The following ZC3HAV1 variants were observed in gnomAD, a reference collection of about 807,000 sequenced individuals.
The protein encoded by ZC3HAV1 is zinc finger CCCH-type containing, antiviral 1, also known as zinc finger CCCH-type antiviral protein 1.
In ZC3HAV1, 41 loss-of-function variants were observed where a neutral mutation model predicts 86.6. That is an observed-to-expected ratio of 0.47 (90% CI 0.37 to 0.61). The LOEUF (loss-of-function observed/expected upper bound fraction) is 0.61. Among genes scored for constraint, ZC3HAV1 ranks in the 20% least tolerant of loss-of-function variants. The pLI, the probability that ZC3HAV1 is intolerant of heterozygous loss-of-function variation, is 0.00. For synonymous variants in ZC3HAV1, 421 were observed against 432.1 expected (o/e 0.97, Z 0.32); for missense variants, 964 against 1,141.1 (o/e 0.84, Z 2.24).
chr7:139,080,384 G>A, intron 3 of ZC3HAV1, 141 bp from the exon 4 acceptor site: 2 of 1,077,118 alleles, frequency 1.9e-6, no homozygotes, highest in Admixed American at 2.5e-5. Flanking sequence ...AATCTGATGT[G>A]TAAAAATCTT....
intron 7 of ZC3HAV1, 52 bp from the exon 8 acceptor site, chr7:139,065,051 T>C (rs370348403): frequency 3.8e-5 from 61 of 1,608,372 alleles, no homozygotes; most frequent in Non-Finnish European, 5.0e-5. Flanking sequence ...TTAGGAAATC[T>C]CTACTGTTAT....
At position 139,061,054 on chromosome 7, in the gene ZC3HAV1, T is replaced by C; in HGVS notation, c.2078A>G (p.Gln693Arg). 6.2e-7 allele frequency: 1 copy of C among 1,613,856 alleles called. No homozygotes were observed. The highest frequency in any genetic ancestry group is 8.5e-7 in the Non-Finnish European group (1 of 1,179,976). Residue 693 changes from glutamine (Q) to arginine (R), a missense_variant, in exon 9 of 13, where the codon CAG (glutamine) becomes CGG (arginine). Gln to Arg is a conservative substitution (Grantham distance 43). Transcript: ENST00000242351. ...CACTTACTCTGGCCCTCTCTTCATC[T>C]GCTGCACATACCACTGAGGCACAAA... ...PTFVPQWYVQ[Q>R]MKRGPDHQPA... is the part of the protein sequence containing the mutation.
chr7:139,091,780 ATTC>A (rs774883651), intron 1 of ZC3HAV1, among the ~76,000 whole-genome samples: 8 of 151,914 alleles, frequency 5.3e-5, no homozygotes, highest in Non-Finnish European at 8.8e-5. Context: ...CCACCCTAAT[ATTC>A]TTCTTGATAT....
At chr7:139,047,906 G>C in intron 12 of ZC3HAV1, 53 bp from the exon 13 acceptor site, 1 of 1,556,412 alleles carries the variant, frequency 6.4e-7, no homozygotes, top group Non-Finnish European at 8.7e-7. Context: ...AAGGTATACA[G>C]TTTATAAGAT....
intron 12 of ZC3HAV1, among the ~76,000 whole-genome samples, chr7:139,049,110 A>C: frequency 6.8e-6 from 1 of 146,890 alleles, no homozygotes; most frequent in Non-Finnish European, 1.5e-5. Flanking sequence ...CAGTACATCC[A>C]ACTCTCTCTC....
intron 1 of ZC3HAV1, among the ~76,000 whole-genome samples, chr7:139,090,905 G>A (rs903864885): frequency 6.6e-6 from 1 of 152,084 alleles, no homozygotes; most frequent in African/African-American, 2.4e-5. Flanking sequence ...CTTGAAACCC[G>A]GCCAGCCATC....
At chr7:139,084,776 A>G (rs1368505486) in intron 2 of ZC3HAV1, among the ~76,000 whole-genome samples, 1 of 152,250 alleles carries the variant, frequency 6.6e-6, no homozygotes, top group African/African-American at 2.4e-5. Context: ...TGCGTTATGC[A>G]AAATATAAAG....
chr7:139,103,694 C>A (rs903250586), intron 1 of ZC3HAV1, among the ~76,000 whole-genome samples: 4 of 152,170 alleles, frequency 2.6e-5, no homozygotes, highest in Non-Finnish European at 5.9e-5. Flanking sequence ...TTCTTGGCAG[C>A]ACGATTTGGT....
intron 1 of ZC3HAV1, among the ~76,000 whole-genome samples, chr7:139,091,169 AAAGACTCCTACAGC>A (rs140743797): frequency 0.07 from 10,724 of 152,190 alleles, 410 homozygotes; most frequent in African/African-American, 0.1. Flanking sequence ...ATCCCGGAGG[AAAGACTCCTACAGC>A]AAGAAGGGCC....
intron 3 of ZC3HAV1, among the ~76,000 whole-genome samples, chr7:139,083,340 G>A (rs1817181985): frequency 6.6e-6 from 1 of 152,044 alleles, no homozygotes; most frequent in African/African-American, 2.4e-5. Context: ...GTATACATAT[G>A]CATGAAGTTT....
intron 1 of ZC3HAV1, among the ~76,000 whole-genome samples, chr7:139,098,568 G>A (rs1389312845): frequency 6.6e-6 from 1 of 152,208 alleles, no homozygotes; most frequent in Non-Finnish European, 1.5e-5. Flanking sequence ...TCAGGAGGCT[G>A]GGGCAGGAGG....
rs778262543 is a variant in ZC3HAV1 at position 139,053,529 on chromosome 7, G to A, written c.2371C>T (p.Arg791Cys). 17 of 1,605,098 alleles carry A rather than the reference G, an allele frequency of 1.1e-5. No homozygotes were observed. Among genetic ancestry groups the A allele is most frequent in the African/African-American group, 6.7e-5 (5 of 74,398 alleles). Residue 791 changes from arginine (R) to cysteine (C), a missense_variant, in exon 12 of 13, where the codon CGT (arginine) becomes TGT (cysteine). By Grantham distance (180) the Arg-to-Cys change is radical (BLOSUM62 -3). Coordinates refer to ENST00000242351, the MANE Select transcript of ZC3HAV1 (RefSeq NM_020119.4). ...GAACAGATAGATTCCACATAGGCAC[G>A]GCTTGTCGCATAAAATAGGAGTTTT... ...EGKLLFYATSRAYVESICSNN... is the reference protein window; with the variant it reads ...EGKLLFYATSCAYVESICSNN...
intron 1 of ZC3HAV1, among the ~76,000 whole-genome samples, chr7:139,101,321 C>A (rs968415043): frequency 1.4e-5 from 2 of 143,586 alleles, no homozygotes; most frequent in East Asian, 2.1e-4. Context: ...GGGATGTGAG[C>A]AGCCCCTCTG....
In ZC3HAV1 at chr7:139,046,656, GA is replaced by G. The variant is rs1452092754; in HGVS notation, c.*937del. ...TCCCCTAAATAAATGTAGCGATAAAGAAAAGGGTGCTCCAAATCAGTTTCAT... is the reference window on the plus strand; with the variant it reads ...TCCCCTAAATAAATGTAGCGATAAAGAAAGGGTGCTCCAAATCAGTTTCAT... On this transcript the variant is annotated 3_prime_UTR_variant, in exon 13 of 13. Coordinates refer to ENST00000242351, the MANE Select transcript of ZC3HAV1 (RefSeq NM_020119.4). 1 of 152,178 alleles carries G rather than the reference GA, an allele frequency of 6.6e-6. No homozygotes were observed. The highest frequency in any genetic ancestry group is 1.5e-5 in the Non-Finnish European group (1 of 68,032). The allele number at this position is 152,178 out of a possible 1,614,324, so 9.4% of individuals were successfully genotyped here. A position where few individuals can be genotyped will look rare whatever the true frequency, so the allele number is the denominator to read the frequency against.
At chr7:139,107,346 T>TA (rs1360892048) in intron 1 of ZC3HAV1, among the ~76,000 whole-genome samples, 1 of 152,234 alleles carries the variant, frequency 6.6e-6, no homozygotes, top group African/African-American at 2.4e-5. Flanking sequence ...AAGCACTTTT[T>TA]AAAAACGTTA....
intron 7 of ZC3HAV1, among the ~76,000 whole-genome samples, chr7:139,067,849 G>A (rs764691221): frequency 1.3e-5 from 2 of 152,016 alleles, no homozygotes; most frequent in Non-Finnish European, 2.9e-5. Flanking sequence ...TGAATTAGAC[G>A]AGTCATAAAT....
At chr7:139,059,125 T>C (rs1303634724) in intron 9 of ZC3HAV1, among the ~76,000 whole-genome samples, 1 of 152,172 alleles carries the variant, frequency 6.6e-6, no homozygotes, top group Non-Finnish European at 1.5e-5. Context: ...GCTCTGATGA[T>C]CTCATTCATT....
At chr7:139,074,789 T>C (rs1584854664) in intron 6 of ZC3HAV1, among the ~76,000 whole-genome samples, 2 of 152,272 alleles carry the variant, frequency 1.3e-5, no homozygotes, top group East Asian at 1.9e-4. Flanking sequence ...TATGTTAACA[T>C]ATAGCAAGCT....
chr7:139,066,901 T>C (rs1490072844), intron 7 of ZC3HAV1, among the ~76,000 whole-genome samples: 1 of 152,104 alleles, frequency 6.6e-6, no homozygotes, highest in Non-Finnish European at 1.5e-5. Context: ...TACATGTGAG[T>C]GCCCCAGAGA....
Sources: allele counts gnomAD v4.1 joint callset (sites outside exome capture counted in the v4.1 genomes callset), GRCh38; gene constraint gnomAD v4.1.1; transcripts MANE v1.5; gene names NCBI Gene and HGNC (gene_info 2026-07-23, HGNC 2026-07-21).